NME7: variants seen among roughly 807,000 people sequenced by gnomAD.
The protein encoded by NME7 is nucleoside diphosphate kinase 7.
NME7 carries 41 observed loss-of-function variants against 49.1 expected under a neutral mutation model. The ratio of observed to expected loss-of-function variants is 0.83; its 90% CI spans 0.65 to 1.08. The LOEUF is 1.08. Among genes scored for constraint, NME7 ranks in the 50% least tolerant of loss-of-function variants. The pLI is 0.00. For synonymous variants in NME7, 139 were observed against 150.6 expected, an observed-to-expected ratio of 0.92 and a Z score of 0.56; for missense variants, 423 against 463.4, an observed-to-expected ratio of 0.91 and a Z score of 0.80.
At chr1:169,367,328 T>C (rs1057118595) in intron 1 of NME7, among the ~76,000 whole-genome samples, 1 of 152,092 alleles carries the variant, frequency 6.6e-6, no homozygotes, top group Non-Finnish European at 1.5e-5. Flanking sequence ...GAGATTCAGA[T>C]CAGTGTTGAG....
At chr1:169,182,245 G>T (rs1659951974) in intron 10 of NME7, among the ~76,000 whole-genome samples, 1 of 151,348 alleles carries the variant, frequency 6.6e-6, no homozygotes, top group Non-Finnish European at 1.5e-5. Context: ...TGAAGTCCTG[G>T]CCTCAGAGAT....
At chr1:169,217,125 G>T (rs888238636) in intron 10 of NME7, among the ~76,000 whole-genome samples, 70 of 152,062 alleles carry the variant, frequency 4.6e-4, no homozygotes, top group African/African-American at 1.6e-3. Context: ...AAACCAGAGA[G>T]AAATATATGC....
intron 1 of NME7, among the ~76,000 whole-genome samples, chr1:169,339,636 T>C (rs1382923935): frequency 2.6e-5 from 4 of 152,220 alleles, no homozygotes; most frequent in African/African-American, 9.6e-5. Flanking sequence ...ATAGCTATTG[T>C]ACTACTTGGT....
intron 6 of NME7, among the ~76,000 whole-genome samples, chr1:169,290,011 G>A (rs1350118479): frequency 1.3e-5 from 2 of 151,890 alleles, no homozygotes; most frequent in African/African-American, 4.8e-5. Context: ...TAGTAGGAAA[G>A]AATAAATATT....
Position 169,355,212 on chromosome 1 carries a change from T to TTATAC in NME7, c.3+12495_3+12496insGTATA, listed in dbSNP as rs1287028097. Among the ~76,000 whole-genome samples the TTATAC allele has an allele frequency of 2.6e-4, 17 of 66,590 alleles. 3 individuals are homozygous for TTATAC. The highest frequency in any genetic ancestry group is 1.0e-3 in the African/African-American group (17 of 16,464). 43.7% of individuals were successfully genotyped at this position (66,590 alleles called of 152,430 possible). A position where few individuals can be genotyped will look rare whatever the true frequency, so the allele number is the denominator to read the frequency against. On this transcript the variant is annotated intron_variant, in intron 1 of 11. Coordinates refer to ENST00000367811, the MANE Select transcript of NME7 (RefSeq NM_013330.5). ...TTATAGATATAATATATAATATATA[T>TTATAC]TATATATTATAGATATAATATATAA...
intron 11 of NME7, among the ~76,000 whole-genome samples, chr1:169,153,934 G>A (rs12144756): frequency 3.3e-3 from 508 of 151,946 alleles, no homozygotes; most frequent in Non-Finnish European, 4.7e-3. Context: ...TGAACTCCTG[G>A]GCTCAAGTGA....
rs1649744782 is a variant in NME7 at position 169,276,691 on chromosome 1, T to G, written c.754+10612A>C. Among the ~76,000 whole-genome samples the G allele has an allele frequency of 1.5e-5, 2 of 133,444 alleles. 1 individual carries two copies. Among genetic ancestry groups the G allele is most frequent in the Non-Finnish European group, 3.5e-5 (2 of 56,896 alleles). 87.5% of individuals were successfully genotyped at this position (133,444 alleles called of 152,430 possible). ...GTTTTTTGGTCTCTATTTCCTTCAG[T>G]TCTGCTCTGATCTTAGTTATTTCTT... On this transcript the variant is annotated intron_variant, in intron 7 of 11. Transcript: ENST00000367811.
intron 7 of NME7, chr1:169,285,750 C>T (rs1650254780): frequency 6.6e-6 from 1 of 152,096 alleles, no homozygotes; most frequent in Non-Finnish European, 1.5e-5. Flanking sequence ...GGTATATTCT[C>T]CATAAGTGTT....
chr1:169,314,275 T>C (rs1274338953), intron 3 of NME7, among the ~76,000 whole-genome samples: 4 of 150,892 alleles, frequency 2.7e-5, no homozygotes, highest in Admixed American at 6.6e-5. Flanking sequence ...CAAAAAAAAA[T>C]ACACAACAAA....
At chr1:169,175,027 T>C (rs991660755) in intron 10 of NME7, among the ~76,000 whole-genome samples, 2 of 151,842 alleles carry the variant, frequency 1.3e-5, no homozygotes, top group African/African-American at 4.9e-5. Context: ...TTGACTCTTT[T>C]GTAATAACAC....
At chr1:169,353,321 G>T (rs1324143340) in intron 1 of NME7, among the ~76,000 whole-genome samples, 1 of 151,960 alleles carries the variant, frequency 6.6e-6, no homozygotes, top group Non-Finnish European at 1.5e-5. Context: ...AAATGGTACT[G>T]GAAAAACTGG....
chr1:169,278,960 G>A (rs1366524135), intron 7 of NME7, among the ~76,000 whole-genome samples: 1 of 152,188 alleles, frequency 6.6e-6, no homozygotes, highest in South Asian at 2.1e-4. Context: ...TCCAGACCCT[G>A]TTTGCCTGGG....
chr1:169,363,997 G>T (rs1050436052), intron 1 of NME7, among the ~76,000 whole-genome samples: 1 of 152,206 alleles, frequency 6.6e-6, no homozygotes, highest in Non-Finnish European at 1.5e-5. Flanking sequence ...ACAGGTCATA[G>T]AATTCTAACT....
At chr1:169,339,395 T>C (rs372772915) in intron 1 of NME7, among the ~76,000 whole-genome samples, 238 of 152,332 alleles carry the variant, frequency 1.6e-3, no homozygotes, top group African/African-American at 5.6e-3. Context: ...AAAAGAGAGA[T>C]GGCTCTTAAT....
chr1:169,152,263 C>G (rs1430978367), intron 11 of NME7, among the ~76,000 whole-genome samples: 1 of 151,982 alleles, frequency 6.6e-6, no homozygotes, highest in East Asian at 1.9e-4. Flanking sequence ...TAATTGAATA[C>G]TTCCTATTCT....
intron 10 of NME7, among the ~76,000 whole-genome samples, chr1:169,211,917 C>T (rs1660832665): frequency 6.6e-6 from 1 of 152,020 alleles, no homozygotes; most frequent in Non-Finnish European, 1.5e-5. Flanking sequence ...AAATATGATA[C>T]AATATTGTTT....
At chr1:169,179,016 T>A (rs1313239373) in intron 10 of NME7, among the ~76,000 whole-genome samples, 1 of 152,042 alleles carries the variant, frequency 6.6e-6, no homozygotes, top group Admixed American at 6.6e-5. Context: ...AGATGGGGTT[T>A]CACCATGTTG....
chr1:169,240,827 G>A (rs530054241), intron 7 of NME7, among the ~76,000 whole-genome samples: 1 of 152,032 alleles, frequency 6.6e-6, no homozygotes, highest in Non-Finnish European at 1.5e-5. Flanking sequence ...AACTGAAAGT[G>A]GTGAATACAG....
chr1:169,356,173 C>A (rs1653462614), intron 1 of NME7, among the ~76,000 whole-genome samples: 1 of 152,132 alleles, frequency 6.6e-6, no homozygotes, highest in African/African-American at 2.4e-5. Context: ...ATATTGATAT[C>A]TTTTCTCTGT....
Sources: gnomAD v4.1 joint callset for allele counts (sites outside exome capture counted in the v4.1 genomes callset) on GRCh38, gnomAD v4.1.1 for gene constraint, MANE v1.5 for transcripts, NCBI Gene and HGNC (gene_info 2026-07-23, HGNC 2026-07-21) for gene names.